The following CBFA2T2 variants were observed in gnomAD, a reference collection of about 807,000 sequenced individuals.
CBFA2T2 encodes the protein CBFA2/RUNX1 partner transcriptional co-repressor 2.
CBFA2T2 carries 11 observed loss-of-function variants against 62.2 expected under a neutral mutation model. The ratio of observed to expected loss-of-function variants is 0.18; its 90% CI spans 0.11 to 0.29. CBFA2T2 has a LOEUF of 0.29. Ranked by LOEUF, CBFA2T2 falls within the 10% of genes least tolerant of loss-of-function variation. The pLI, the probability that CBFA2T2 is intolerant of heterozygous loss-of-function variation, is 1.00. For synonymous variants in CBFA2T2, 295 were observed against 287.5 expected (o/e 1.03, Z -0.27); for missense variants, 592 against 774.1 (o/e 0.76, Z 2.79).
chr20:33,552,357 T>C (rs2012763499), intron 1 of CBFA2T2, among the ~76,000 whole-genome samples: 1 of 152,210 alleles, frequency 6.6e-6, no homozygotes, highest in Non-Finnish European at 1.5e-5. Flanking sequence ...GGACCTCAGG[T>C]GACACCTGGT....
chr20:33,574,098 T>C, intron 1 of CBFA2T2: 3 of 1,538,682 alleles, frequency 1.9e-6, no homozygotes, highest in East Asian at 4.9e-5. Flanking sequence ...CCTGTCTAGA[T>C]ATTATGATGA....
chr20:33,623,673 C>T (rs1229197084), intron 5 of CBFA2T2: 2 of 644,622 alleles, frequency 3.1e-6, no homozygotes, highest in Non-Finnish European at 5.6e-6. Flanking sequence ...CTGCCCGCCT[C>T]AACCTCCCAA....
intron 5 of CBFA2T2, 46 bp downstream of exon 5, chr20:33,623,342 G>C (rs2016070221): frequency 1.9e-6 from 3 of 1,595,682 alleles, no homozygotes; most frequent in African/African-American, 1.3e-5. Flanking sequence ...GAACCGCACT[G>C]GTCCTCCCCT....
chr20:33,531,467 C>T (rs1488052256), intron 1 of CBFA2T2, among the ~76,000 whole-genome samples: 1 of 152,172 alleles, frequency 6.6e-6, no homozygotes, highest in African/African-American at 2.4e-5. Flanking sequence ...TATTGCCCCA[C>T]TAGAAAAAAC....
rs145423419 is a variant in CBFA2T2 at position 33,497,653 on chromosome 20, G to A, written c.34+7352G>A. On this transcript the variant is annotated intron_variant, in intron 1 of 10. Coordinates refer to ENST00000342704, the MANE Select transcript of CBFA2T2 (RefSeq NM_001032999.3). ...CAATCTCTGCCTCCCGGGTTCCAGC[G>A]ATTCTCCTGCCTCCGCCTCCCGAGT... Among the ~76,000 whole-genome samples, 825 of 150,218 alleles carry A rather than the reference G, an allele frequency of 5.5e-3. 4 individuals are homozygous for A. The highest frequency in any genetic ancestry group is 8.9e-3 in the Non-Finnish European group (606 of 67,736).
intron 1 of CBFA2T2, among the ~76,000 whole-genome samples, chr20:33,496,419 A>G (rs1010575481): frequency 1.3e-5 from 2 of 152,184 alleles, no homozygotes; most frequent in African/African-American, 4.8e-5. Context: ...CTTCTTAGTT[A>G]TCTAAGAATA....
chr20:33,537,204 A>C (rs896003912), intron 1 of CBFA2T2, among the ~76,000 whole-genome samples: 4 of 152,262 alleles, frequency 2.6e-5, no homozygotes, highest in Non-Finnish European at 5.9e-5. Context: ...ACCATTGAGC[A>C]CTGAGTGAAC....
chr20:33,515,709 G>C lies in CBFA2T2; in HGVS notation c.34+25408G>C, dbSNP rs113148626. Among the ~76,000 whole-genome samples, 577 of 140,008 alleles carry C rather than the reference G, an allele frequency of 4.1e-3. 5 individuals are homozygous for C. Among genetic ancestry groups the C allele is most frequent in the Middle Eastern group, 0.019 (5 of 260 alleles). 91.9% of individuals were successfully genotyped at this position (140,008 alleles called of 152,430 possible). A position where few individuals can be genotyped will look rare whatever the true frequency, so the allele number is the denominator to read the frequency against. On this transcript the variant is annotated intron_variant, in intron 1 of 10. Transcript: ENST00000342704. ...CCAGCTAATTGGGAGGCTGAGACAA[G>C]AGAATCACTTGAACTCGGGAGGCAG... is the stretch of plus-strand genomic sequence containing the variant.
At chr20:33,495,710 A>G (rs2011193098) in intron 1 of CBFA2T2, among the ~76,000 whole-genome samples, 1 of 152,190 alleles carries the variant, frequency 6.6e-6, no homozygotes, top group Non-Finnish European at 1.5e-5. Context: ...AAAAAATGTA[A>G]TGGTTAAGAT....
intron 1 of CBFA2T2, among the ~76,000 whole-genome samples, chr20:33,542,734 C>T (rs948625507): frequency 2.0e-5 from 3 of 151,656 alleles, no homozygotes; most frequent in Admixed American, 6.6e-5. Flanking sequence ...TGTGGTGGCA[C>T]GATCTTGACT....
In CBFA2T2 at chr20:33,643,807, A is replaced by G. The variant is rs1180092293; in HGVS notation, c.1489-540A>G. ...TATATATATATATATATATATATATATATATATATAGTATATAATGTGTGT... is the reference window on the plus strand; with the variant it reads ...TATATATATATATATATATATATATGTATATATATAGTATATAATGTGTGT... On this transcript the variant is annotated intron_variant, in intron 10 of 10. Transcript: ENST00000342704. Among the ~76,000 whole-genome samples the G allele has an allele frequency of 1.3e-3, 34 of 25,212 alleles. 3 individuals are homozygous for G. Among genetic ancestry groups the G allele is most frequent in the Non-Finnish European group, 2.2e-3 (32 of 14,826 alleles). The allele number at this position is 25,212 out of a possible 152,430, so 16.5% of individuals were successfully genotyped here.
At chr20:33,571,647 T>C (rs1022314840) in intron 1 of CBFA2T2, among the ~76,000 whole-genome samples, 8 of 152,258 alleles carry the variant, frequency 5.3e-5, no homozygotes, top group African/African-American at 1.9e-4. Context: ...TATTGAATTA[T>C]CTGGTCACTT....
intron 1 of CBFA2T2, among the ~76,000 whole-genome samples, chr20:33,494,269 ATATATTTTTTTT>A (rs1367250481): frequency 2.3e-4 from 7 of 30,756 alleles, no homozygotes; most frequent in Non-Finnish European, 3.5e-4. Flanking sequence ...ATATATATAT[ATATATTTTTTTT>A]TTTTTTTTTT....
chr20:33,529,369 T>G (rs1023488908), intron 1 of CBFA2T2, among the ~76,000 whole-genome samples: 1 of 152,094 alleles, frequency 6.6e-6, no homozygotes, highest in Non-Finnish European at 1.5e-5. Flanking sequence ...AGATTCATGT[T>G]CTCCTTTGGT....
At chr20:33,494,800 G>A (rs1364304881) in intron 1 of CBFA2T2, among the ~76,000 whole-genome samples, 1 of 149,588 alleles carries the variant, frequency 6.7e-6, no homozygotes. Flanking sequence ...GTTTCACCAT[G>A]TTGGTCAGGC....
intron 1 of CBFA2T2, among the ~76,000 whole-genome samples, chr20:33,604,773 TACACA>T (rs2015275192): frequency 6.6e-6 from 1 of 152,250 alleles, no homozygotes; most frequent in Non-Finnish European, 1.5e-5. Context: ...TTGCACACTG[TACACA>T]ACACATTACA....
chr20:33,523,975 C>T (rs186552528), intron 1 of CBFA2T2, among the ~76,000 whole-genome samples: 2 of 152,150 alleles, frequency 1.3e-5, no homozygotes, highest in Admixed American at 6.5e-5. Flanking sequence ...TGAGCCACCA[C>T]GCCCGGCCAG....
chr20:33,565,300 A>G (rs2013263295), intron 1 of CBFA2T2, among the ~76,000 whole-genome samples: 1 of 152,204 alleles, frequency 6.6e-6, no homozygotes, highest in African/African-American at 2.4e-5. Context: ...GCATTGTTCA[A>G]CAAGCATCTT....
chr20:33,643,817 A>ATG (rs1568876743), intron 10 of CBFA2T2, among the ~76,000 whole-genome samples: 2 of 38,296 alleles, frequency 5.2e-5, no homozygotes, highest in African/African-American at 1.2e-4. Context: ...ATATATATAT[A>ATG]GTATATAATG....
Sources: allele counts gnomAD v4.1 joint callset (sites outside exome capture counted in the v4.1 genomes callset), GRCh38; gene constraint gnomAD v4.1.1; transcripts MANE v1.5; gene names NCBI Gene and HGNC (gene_info 2026-07-23, HGNC 2026-07-21).